The following GALNT17 variants were observed in gnomAD, a reference collection of about 807,000 sequenced individuals.
GALNT17 encodes polypeptide N-acetylgalactosaminyltransferase 17.
GALNT17 carries 29 observed loss-of-function variants against 63.7 expected under a neutral mutation model. The observed-to-expected ratio is 0.46, with a 90% CI of 0.34 to 0.62. The LOEUF is 0.62. GALNT17 is among the 20% of genes least tolerant of loss of function. The probability of loss-of-function intolerance (pLI) is 0.01; values close to 1 mark genes in which losing one functional copy is unlikely to be tolerated. For synonymous variants in GALNT17, 305 were observed against 318.3 expected, an observed-to-expected ratio of 0.96 and a Z score of 0.45; for missense variants, 603 against 799.6, an observed-to-expected ratio of 0.75 and a Z score of 2.97.
chr7:71,380,124 T>C (rs181844953), intron 2 of GALNT17, among the ~76,000 whole-genome samples: 1 of 152,030 alleles, frequency 6.6e-6, no homozygotes, highest in African/African-American at 2.4e-5. Flanking sequence ...GTTGGGAAGG[T>C]CCCTCCATTC....
chr7:71,154,922 G>A (rs1788206497), intron 1 of GALNT17, among the ~76,000 whole-genome samples: 6 of 151,856 alleles, frequency 4.0e-5, no homozygotes, highest in South Asian at 2.1e-4. Flanking sequence ...ATCCAGCACC[G>A]TAATGAAGAT....
At chr7:71,629,333 G>T (rs545903996) in intron 6 of GALNT17, among the ~76,000 whole-genome samples, 1 of 152,292 alleles carries the variant, frequency 6.6e-6, no homozygotes, top group South Asian at 2.1e-4. Flanking sequence ...ACCAAGTGGA[G>T]CTTCATGCTT....
chr7:71,245,054 C>G (rs1486372800), intron 1 of GALNT17, among the ~76,000 whole-genome samples: 2 of 152,064 alleles, frequency 1.3e-5, no homozygotes, highest in African/African-American at 4.8e-5. Flanking sequence ...GTCACCTAGC[C>G]CCACTCTAGG....
At chr7:71,615,993 T>A (rs554192152) in intron 6 of GALNT17, among the ~76,000 whole-genome samples, 1 of 151,968 alleles carries the variant, frequency 6.6e-6, no homozygotes, top group African/African-American at 2.4e-5. Context: ...GCCCAGAATT[T>A]GGATTCAGAA....
intron 5 of GALNT17, among the ~76,000 whole-genome samples, chr7:71,560,211 AAAAAAG>A (rs1258841652): frequency 4.8e-4 from 67 of 139,368 alleles, no homozygotes; most frequent in Non-Finnish European, 9.2e-4. Context: ...AAAAAAAAAA[AAAAAAG>A]AAAGAATCAC....
At chr7:71,432,123 C>T (rs549889793) in intron 5 of GALNT17, among the ~76,000 whole-genome samples, 18 of 151,720 alleles carry the variant, frequency 1.2e-4, no homozygotes, top group Non-Finnish European at 2.2e-4. Context: ...TGCAGTGAGC[C>T]GAGATCACGC....
At chr7:71,457,085 C>T (rs1173753091) in intron 5 of GALNT17, among the ~76,000 whole-genome samples, 1 of 152,124 alleles carries the variant, frequency 6.6e-6, no homozygotes. Context: ...GCAGAGGAAA[C>T]AATCAGATAT....
chr7:71,139,530 G>A (rs1787847975), intron 1 of GALNT17, among the ~76,000 whole-genome samples: 1 of 152,160 alleles, frequency 6.6e-6, no homozygotes, highest in Non-Finnish European at 1.5e-5. Flanking sequence ...CTGCCCCCAA[G>A]CCACTCAGGC....
chr7:71,663,812 G>A (rs747821095), intron 6 of GALNT17, among the ~76,000 whole-genome samples: 21 of 152,160 alleles, frequency 1.4e-4, no homozygotes, highest in Non-Finnish European at 2.6e-4. Flanking sequence ...TCTTGCTTTG[G>A]TGGTTACTGG....
At chr7:71,402,453 CTTCTGGAATTG>C (rs1253133248) in intron 3 of GALNT17, among the ~76,000 whole-genome samples, 1 of 152,202 alleles carries the variant, frequency 6.6e-6, no homozygotes, top group Non-Finnish European at 1.5e-5. Flanking sequence ...TTTTTCCCCA[CTTCTGGAATTG>C]TTCTGGAAGC....
Position 71,500,943 on chromosome 7 carries a change from A to G in GALNT17, c.963-70342A>G, listed in dbSNP as rs570185649. The stretch of plus-strand genomic sequence containing the variant: ...ATCATTTCAATCATTCCTGTGCTCA[A>G]TGCTCTTGTTCCACTGTCTTTTTAG... On this transcript the variant is annotated intron_variant, in intron 5 of 10. Coordinates refer to ENST00000333538, the MANE Select transcript of GALNT17 (RefSeq NM_022479.3). 2.9e-4 allele frequency among the ~76,000 whole-genome samples: 44 copies of G among 152,118 alleles called. No homozygotes were observed. In the South Asian group the frequency reaches 8.3e-3, roughly 29 times the overall value.
At chr7:71,409,576 T>A (rs746692265) in intron 3 of GALNT17, among the ~76,000 whole-genome samples, 2 of 152,194 alleles carry the variant, frequency 1.3e-5, no homozygotes, top group Non-Finnish European at 2.9e-5. Flanking sequence ...CCCACCATTG[T>A]GGATGTGCAG....
rs1332004479 is a variant in GALNT17, at chr7:71,218,969, C to T, written c.238+85929C>T. On this transcript the variant is annotated intron_variant, in intron 1 of 10. Transcript: ENST00000333538. ...GTAATGCTCTTGAATCATCCTGAAA[C>T]CACCCCTCCCCTCTAGTCTGTGGAC... Among the ~76,000 whole-genome samples, 5 of 152,030 alleles carry T rather than the reference C, an allele frequency of 3.3e-5. No homozygotes were observed. In the East Asian group the frequency reaches 9.7e-4, roughly 29 times the overall value.
At chr7:71,362,761 G>A (rs183255734) in intron 2 of GALNT17, among the ~76,000 whole-genome samples, 1 of 152,168 alleles carries the variant, frequency 6.6e-6, no homozygotes, top group Admixed American at 6.5e-5. Flanking sequence ...ACCCTGCCCC[G>A]CTGAAAGCCT....
chr7:71,517,009 G>T (rs1208304619), intron 5 of GALNT17, among the ~76,000 whole-genome samples: 1 of 152,084 alleles, frequency 6.6e-6, no homozygotes, highest in African/African-American at 2.4e-5. Context: ...ATTTCTTGTC[G>T]CCATTGCTCA....
chr7:71,269,089 A>G (rs1790541112), intron 1 of GALNT17, among the ~76,000 whole-genome samples: 1 of 152,194 alleles, frequency 6.6e-6, no homozygotes, highest in Non-Finnish European at 1.5e-5. Context: ...AGGGCCTGGG[A>G]GAACCCTCAG....
At chr7:71,156,948 T>C (rs1214172858) in intron 1 of GALNT17, among the ~76,000 whole-genome samples, 3 of 151,522 alleles carry the variant, frequency 2.0e-5, no homozygotes, top group Non-Finnish European at 2.9e-5. Context: ...TATTTATGTA[T>C]TTATTTTGTT....
rs572389357 is a variant in GALNT17 at position 71,404,682 on chromosome 7, T to C, written c.590-11207T>C. On this transcript the variant is annotated intron_variant, in intron 3 of 10. Coordinates refer to ENST00000333538, the MANE Select transcript of GALNT17 (RefSeq NM_022479.3). ...CCATAGTGGCAAGGCTGGGGTGGGG[T>C]GTGTGTGTATCACCATATATGTGGC... Among the ~76,000 whole-genome samples the C allele has an allele frequency of 3.7e-4, 57 of 152,252 alleles. 2 individuals are homozygous for C. The South Asian group carries it at 0.011, about 30-fold the overall frequency.
chr7:71,525,195 A>T (rs1430689690), intron 5 of GALNT17, among the ~76,000 whole-genome samples: 1 of 152,006 alleles, frequency 6.6e-6, no homozygotes, highest in Non-Finnish European at 1.5e-5. Flanking sequence ...TTGTTTCGAG[A>T]TGGAGTCTCG....
Sources: allele counts gnomAD v4.1 joint callset (sites outside exome capture counted in the v4.1 genomes callset), GRCh38; gene constraint gnomAD v4.1.1; transcripts MANE v1.5; gene names NCBI Gene and HGNC (gene_info 2026-07-23, HGNC 2026-07-21).